Variants in CNIH3 observed in about 807,000 individuals in gnomAD.
CNIH3 encodes the protein protein cornichon homolog 3.
In CNIH3, 14 loss-of-function variants were observed where a neutral mutation model predicts 24.1. That is an observed-to-expected ratio of 0.58 (90% CI 0.38 to 0.91). CNIH3 has a LOEUF of 0.91. CNIH3 is among the 40% of genes least tolerant of loss of function. The pLI, the probability that CNIH3 is intolerant of heterozygous loss-of-function variation, is 0.00. For missense variants in CNIH3, 178 were observed against 196.8 expected (o/e 0.90, Z 0.57); for synonymous variants, 68 against 73.8 (o/e 0.92, Z 0.40).
intron 1 of CNIH3, among the ~76,000 whole-genome samples, chr1:224,506,271 G>GCACA (rs759588529): frequency 8.5e-6 from 1 of 117,350 alleles, no homozygotes; most frequent in African/African-American, 3.5e-5. Flanking sequence ...GCACGCACAC[G>GCACA]CGCGCGCGCG....
intron 3 of CNIH3, among the ~76,000 whole-genome samples, chr1:224,606,113 G>A (rs138384283): frequency 5.1e-4 from 78 of 152,186 alleles, no homozygotes; most frequent in African/African-American, 1.7e-3. Flanking sequence ...GTGTGGTCTC[G>A]CGGCAGTGTC....
chr1:224,698,341 G>A (rs1342619864), intron 3 of CNIH3, among the ~76,000 whole-genome samples: 1 of 152,216 alleles, frequency 6.6e-6, no homozygotes, highest in African/African-American at 2.4e-5. Context: ...ACCGATTATA[G>A]CACAAGGAGG....
intron 4 of CNIH3, chr1:224,575,402 CT>C (rs1351138173): frequency 9.3e-7 from 1 of 1,074,510 alleles, no homozygotes; most frequent in Non-Finnish European, 1.4e-6. Flanking sequence ...CTGTGGATGC[CT>C]GCTTGTCCCC....
At chr1:224,485,551 G>A (rs1454315675) in intron 1 of CNIH3, among the ~76,000 whole-genome samples, 1 of 152,060 alleles carries the variant, frequency 6.6e-6, no homozygotes. Context: ...GGAGTGCAGT[G>A]GCGTGATCAT....
chr1:224,503,602 G>C (rs530329751), intron 1 of CNIH3, among the ~76,000 whole-genome samples: 3 of 152,326 alleles, frequency 2.0e-5, no homozygotes, highest in African/African-American at 7.2e-5. Context: ...GCCTGCACAG[G>C]GGCGGGTCCC....
intron 1 of CNIH3, among the ~76,000 whole-genome samples, chr1:224,495,459 C>T (rs1356637964): frequency 6.6e-6 from 1 of 152,168 alleles, no homozygotes; most frequent in Non-Finnish European, 1.5e-5. Context: ...ATATTTATTG[C>T]CCTGCTAGGT....
chr1:224,593,246 C>T (rs1267825934), downstream of CNIH3, among the ~76,000 whole-genome samples: 2 of 151,534 alleles, frequency 1.3e-5, no homozygotes, highest in Non-Finnish European at 1.5e-5. Flanking sequence ...ACCTCCATCT[C>T]CCAGGCTCAA....
rs777726072 is a variant in CNIH3, at chr1:224,507,992, G to A, written n.204-7749G>A. 3.3e-5 allele frequency among the ~76,000 whole-genome samples: 5 copies of A among 152,210 alleles called. 1 individual carries two copies. The highest frequency in any genetic ancestry group is 7.3e-5 in the Non-Finnish European group (5 of 68,028). ...GTTTTATAGGCTTTTCTCTCTGAAA[G>A]CAAAGTCCATTTCCCTGAATATCAG... On this transcript the variant is annotated intron_variant and non_coding_transcript_variant, in intron 1 of 5. Coordinates refer to the CNIH3 transcript ENST00000471578.
intron 3 of CNIH3, among the ~76,000 whole-genome samples, chr1:224,605,592 A>G (rs1682383540): frequency 6.6e-6 from 1 of 152,114 alleles, no homozygotes; most frequent in South Asian, 2.1e-4. Context: ...TCCCCAATTA[A>G]TCTTGCAGAT....
rs762081425 is a variant in CNIH3 at position 224,730,456 on chromosome 1, C to T, written c.199-6C>T. 1.5e-5 allele frequency: 23 copies of T among 1,545,630 alleles called. No homozygotes were observed. The Middle Eastern group carries it at 8.7e-4, about 58-fold the overall frequency. ...ACTCAGGGCCGTGTCTCTGCTCCCT[C>T]TTCAGCTGGTGCTGCCAGAATACTC... On this transcript the variant is annotated splice_polypyrimidine_tract_variant and splice_region_variant and intron_variant, in intron 3 of 5. Transcript: ENST00000272133.
intron 4 of CNIH3, among the ~76,000 whole-genome samples, chr1:224,733,839 C>G (rs1428543880): frequency 6.6e-6 from 1 of 152,108 alleles, no homozygotes; most frequent in Non-Finnish European, 1.5e-5. Context: ...GCAGCGACCA[C>G]TTCCCAAGGG....
intron 2 of CNIH3, among the ~76,000 whole-genome samples, chr1:224,534,703 G>C (rs1318635662): frequency 2.0e-5 from 3 of 152,180 alleles, no homozygotes; most frequent in African/African-American, 7.2e-5. Flanking sequence ...TAACAGGAGA[G>C]TCTAAACATA....
downstream of CNIH3, among the ~76,000 whole-genome samples, chr1:224,539,666 A>T (rs954658069): frequency 1.1e-4 from 16 of 152,210 alleles, no homozygotes; most frequent in African/African-American, 3.9e-4. Context: ...ATACTGCACT[A>T]CTTGCCCTTC....
chr1:224,574,888 A>G, intron 4 of CNIH3: 2 of 1,012,416 alleles, frequency 2.0e-6, no homozygotes, highest in Non-Finnish European at 3.2e-6. Flanking sequence ...GAGCTGGTGG[A>G]TGAAGGGCTG....
At position 224,697,971 on chromosome 1, in the gene CNIH3, C is replaced by T. The variant is rs1420731106; in HGVS notation, c.198+13128C>T. Among the ~76,000 whole-genome samples, 5 of 152,184 alleles carry T rather than the reference C, an allele frequency of 3.3e-5. No homozygotes were observed. The East Asian group carries it at 5.8e-4, about 18-fold the overall frequency. ...TTGTGCTGAATTAATTCGCATGCTC[C>T]AGACATATCTTCTCCCCACGGAAAA... On this transcript the variant is annotated intron_variant, in intron 3 of 5. Coordinates refer to ENST00000272133, the MANE Select transcript of CNIH3 (RefSeq NM_152495.2).
chr1:224,461,065 C>T (rs985346811), intron 1 of CNIH3, among the ~76,000 whole-genome samples: 2 of 150,174 alleles, frequency 1.3e-5, no homozygotes, highest in Non-Finnish European at 3.0e-5. Context: ...TGCAGTGGGG[C>T]GAGCTCAGCT....
At chr1:224,581,605 G>A (rs1198795001) in intron 4 of CNIH3, among the ~76,000 whole-genome samples, 1 of 152,160 alleles carries the variant, frequency 6.6e-6, no homozygotes, top group South Asian at 2.1e-4. Context: ...CCCTTTAAGA[G>A]AAGTAAATTG....
At chr1:224,596,061 G>A (rs1681967546) in intron 3 of CNIH3, among the ~76,000 whole-genome samples, 1 of 152,230 alleles carries the variant, frequency 6.6e-6, no homozygotes, top group Non-Finnish European at 1.5e-5. Context: ...ATTGATGAAG[G>A]TGGCTACACT....
chr1:224,484,246 C>T (rs1027307455), intron 1 of CNIH3, among the ~76,000 whole-genome samples: 14 of 150,524 alleles, frequency 9.3e-5, no homozygotes, highest in East Asian at 3.9e-4. Flanking sequence ...CTGGCTAACA[C>T]GGTGAAACCC....
Sources: gnomAD v4.1 joint callset for allele counts (sites outside exome capture counted in the v4.1 genomes callset) on GRCh38, gnomAD v4.1.1 for gene constraint, MANE v1.5 for transcripts, NCBI Gene and HGNC (gene_info 2026-07-23, HGNC 2026-07-21) for gene names.